Variants in HPSE2 observed in about 807,000 individuals in gnomAD.
HPSE2 encodes the protein inactive heparanase-2.
In HPSE2, 38 loss-of-function variants were observed where a neutral mutation model predicts 60.5. The ratio of observed to expected loss-of-function variants is 0.63; its 90% CI spans 0.48 to 0.82. The LOEUF is 0.82. Ranked by LOEUF, HPSE2 falls within the 40% of genes least tolerant of loss-of-function variation. The pLI, the probability that HPSE2 is intolerant of heterozygous loss-of-function variation, is 0.00. For missense variants in HPSE2, 713 were observed against 740.4 expected, an observed-to-expected ratio of 0.96 and a Z score of 0.43; for synonymous variants, 295 against 293.2, an observed-to-expected ratio of 1.01 and a Z score of -0.06.
chr10:99,280,319 G>C, the HPSE2 span, among the ~76,000 whole-genome samples: 1 of 152,190 alleles, frequency 6.6e-6, no homozygotes, highest in African/African-American at 2.4e-5. Context: ...AGGTTGAAGA[G>C]AGAGGTCTGG....
Position 98,641,011 on chromosome 10 carries a change from G to A in HPSE2, c.1098+836C>T, listed in dbSNP as rs75532034. On this transcript the variant is annotated intron_variant, in intron 7 of 11. Transcript: ENST00000370552. ...TCTGAGAATCACTGACCAAAGGTGT[G>A]CTGATAGCACTTACATGCAATTGCT... Among the ~76,000 whole-genome samples, 563 of 152,280 alleles carry A rather than the reference G, an allele frequency of 3.7e-3. 4 individuals carry two copies. The highest frequency in any genetic ancestry group is 0.013 in the African/African-American group (543 of 41,562).
At chr10:99,127,080 A>G (rs1845192197) in intron 3 of HPSE2, among the ~76,000 whole-genome samples, 1 of 152,130 alleles carries the variant, frequency 6.6e-6, no homozygotes, top group Non-Finnish European at 1.5e-5. Flanking sequence ...TAATATGATA[A>G]AACAGGGCTC....
intron 2 of HPSE2, among the ~76,000 whole-genome samples, chr10:99,181,906 A>G (rs1281724268): frequency 2.6e-5 from 4 of 152,126 alleles, no homozygotes; most frequent in Non-Finnish European, 4.4e-5. Context: ...GGAGATTAGG[A>G]TATACAAAGA....
intron 2 of HPSE2, among the ~76,000 whole-genome samples, chr10:99,153,043 C>A (rs1212346725): frequency 6.6e-6 from 1 of 152,218 alleles, no homozygotes; most frequent in East Asian, 1.9e-4. Context: ...GCATTTCGGA[C>A]CGGCTTAAAA....
At chr10:98,598,853 A>G (rs1018384426) in intron 9 of HPSE2, among the ~76,000 whole-genome samples, 1 of 151,896 alleles carries the variant, frequency 6.6e-6, no homozygotes, top group Non-Finnish European at 1.5e-5. Flanking sequence ...AGAGCCTGCG[A>G]TCATGGGTAC....
At chr10:98,606,781 T>G (rs1309882499) in intron 9 of HPSE2, among the ~76,000 whole-genome samples, 1 of 152,208 alleles carries the variant, frequency 6.6e-6, no homozygotes, top group Non-Finnish European at 1.5e-5. Context: ...TTTGTTCTAT[T>G]TTTTAATAAA....
chr10:99,115,898 T>C (rs920423854), intron 3 of HPSE2, among the ~76,000 whole-genome samples: 4 of 152,178 alleles, frequency 2.6e-5, no homozygotes, highest in African/African-American at 4.8e-5. Flanking sequence ...ATGACCACAT[T>C]TGTGCATGGC....
intron 3 of HPSE2, among the ~76,000 whole-genome samples, chr10:98,903,878 T>A (rs1953735916): frequency 6.6e-6 from 1 of 152,220 alleles, no homozygotes; most frequent in South Asian, 2.1e-4. Context: ...CATGTAAAAG[T>A]GCTAAGAACA....
chr10:98,737,616 C>A (rs1949391378), intron 4 of HPSE2, among the ~76,000 whole-genome samples: 1 of 152,180 alleles, frequency 6.6e-6, no homozygotes. Flanking sequence ...CTGATAGCAA[C>A]TTCAGCAAAG....
chr10:98,764,869 A>AAAAC (rs373825498), intron 3 of HPSE2, among the ~76,000 whole-genome samples: 3 of 152,174 alleles, frequency 2.0e-5, no homozygotes, highest in East Asian at 1.9e-4. Context: ...TCCGTCATAA[A>AAAAC]AAACAAACAA....
chr10:98,897,777 G>C (rs1953536374), intron 3 of HPSE2, among the ~76,000 whole-genome samples: 1 of 152,064 alleles, frequency 6.6e-6, no homozygotes, highest in African/African-American at 2.4e-5. Flanking sequence ...TTGAGACCTT[G>C]GGTTTGGTAA....
At chr10:99,098,796 C>T (rs528576050) in intron 3 of HPSE2, among the ~76,000 whole-genome samples, 62 of 152,110 alleles carry the variant, frequency 4.1e-4, no homozygotes, top group Middle Eastern at 3.4e-3. Flanking sequence ...AATTTACATA[C>T]GATGTTAATA....
At chr10:99,138,523 A>C (rs943570819) in intron 3 of HPSE2, among the ~76,000 whole-genome samples, 2 of 152,240 alleles carry the variant, frequency 1.3e-5, no homozygotes, top group Non-Finnish European at 2.9e-5. Context: ...TGTATAAAGA[A>C]AATGTGGCAC....
chr10:98,749,041 T>A (rs1202999645), intron 3 of HPSE2, among the ~76,000 whole-genome samples: 1 of 152,040 alleles, frequency 6.6e-6, no homozygotes. Flanking sequence ...AGAAACAAAA[T>A]AGTAATGAGA....
At chr10:98,897,761 A>T (rs979234896) in intron 3 of HPSE2, among the ~76,000 whole-genome samples, 3 of 152,188 alleles carry the variant, frequency 2.0e-5, no homozygotes, top group Non-Finnish European at 4.4e-5. Flanking sequence ...AAACAGGAGA[A>T]AATGGTTGAG....
intron 3 of HPSE2, among the ~76,000 whole-genome samples, chr10:98,776,596 G>C (rs1349252827): frequency 6.6e-6 from 1 of 152,100 alleles, no homozygotes; most frequent in African/African-American, 2.4e-5. Flanking sequence ...AAGAAAACTT[G>C]CTTGCACTCT....
At chr10:98,688,800 G>A (rs1947997027) in intron 6 of HPSE2, among the ~76,000 whole-genome samples, 1 of 151,634 alleles carries the variant, frequency 6.6e-6, no homozygotes. Flanking sequence ...TTGCGACACA[G>A]ATCTACTGGC....
intron 5 of HPSE2, among the ~76,000 whole-genome samples, chr10:98,712,050 G>A (rs140242039): frequency 5.3e-4 from 81 of 152,088 alleles, no homozygotes; most frequent in East Asian, 3.3e-3. Flanking sequence ...GGGGAAAGCA[G>A]GGTTGTGAGG....
intron 3 of HPSE2, among the ~76,000 whole-genome samples, chr10:98,819,501 G>A (rs11189834): frequency 0.017 from 2,543 of 150,382 alleles, 80 homozygotes; most frequent in African/African-American, 0.059. Context: ...ACATCATGTG[G>A]CCATTACCTT....
Sources: allele counts gnomAD v4.1 joint callset (sites outside exome capture counted in the v4.1 genomes callset), GRCh38; gene constraint gnomAD v4.1.1; transcripts MANE v1.5; gene names NCBI Gene and HGNC (gene_info 2026-07-23, HGNC 2026-07-21).